Variants in GABBR2 observed in about 807,000 individuals in gnomAD.
GABBR2 encodes gamma-aminobutyric acid type B receptor subunit 2, also known as G-protein coupled receptor 51.
In GABBR2, 23 loss-of-function variants were observed where a neutral mutation model predicts 105.6. The observed-to-expected ratio is 0.22, with a 90% confidence interval of 0.16 to 0.31. The LOEUF is 0.31. Among genes scored for constraint, GABBR2 ranks in the 10% least tolerant of loss-of-function variants. The probability of loss-of-function intolerance (pLI) is 1.00; values close to 1 mark genes in which losing one functional copy is unlikely to be tolerated. For missense variants in GABBR2, 734 were observed against 1,245.5 expected (o/e 0.59, Z 6.18); for synonymous variants, 478 against 499.7 (o/e 0.96, Z 0.58).
At chr9:98,595,839 T>C (rs1286092079) in intron 1 of GABBR2, among the ~76,000 whole-genome samples, 1 of 152,032 alleles carries the variant, frequency 6.6e-6, no homozygotes, top group Non-Finnish European at 1.5e-5. Context: ...TACACAGCAA[T>C]GGAGATGAGC....
chr9:98,668,905 G>C (rs765248050), intron 1 of GABBR2, among the ~76,000 whole-genome samples: 8 of 151,446 alleles, frequency 5.3e-5, no homozygotes, highest in Non-Finnish European at 1.2e-4. Flanking sequence ...GTGTGTGTGT[G>C]TGTGTGTGTG....
rs1832060153 is a variant in GABBR2 at position 98,385,729 on chromosome 9, G to A, written c.1573C>T (p.Leu525Phe). The A allele has an allele frequency of 1.9e-6, 3 of 1,608,342 alleles. No homozygotes were observed. Among genetic ancestry groups the A allele is most frequent in the Non-Finnish European group, 1.7e-6 (2 of 1,174,768 alleles). Reference protein sequence around the residue: ...SSPYMNNLIILGGMLSYASIF... With the variant: ...SSPYMNNLIIFGGMLSYASIF... ...GAAGCATAGGAGAGCATCCCTCCAA[G>A]GATGATAAGGTTGTTCATGTATGGA... The change falls in exon 11 of 19, where the codon CTT becomes TTT. Residue 525 changes from leucine to phenylalanine, a missense_variant. Leu to Phe is a conservative substitution (Grantham distance 22). Around this residue, in one of 7 missense-constraint regions of GABBR2, gnomAD observed 370 missense variants for 648.9 expected, o/e 0.57. Transcript: ENST00000259455.
At chr9:98,429,976 G>C (rs543642230) in intron 7 of GABBR2, among the ~76,000 whole-genome samples, 1 of 152,226 alleles carries the variant, frequency 6.6e-6, no homozygotes, top group African/African-American at 2.4e-5. Context: ...ACCCTTCATT[G>C]GGTGTTAGCT....
At chr9:98,444,384 C>G (rs1031794727) in intron 7 of GABBR2, among the ~76,000 whole-genome samples, 3 of 151,972 alleles carry the variant, frequency 2.0e-5, no homozygotes, top group Non-Finnish European at 2.9e-5. Flanking sequence ...GGGGAGAGAC[C>G]TGACATAGGT....
Position 98,508,637 on chromosome 9 carries a change from G to A in GABBR2, c.631-12123C>T, listed in dbSNP as rs868387447. Among the ~76,000 whole-genome samples the A allele has an allele frequency of 2.0e-5, 3 of 152,312 alleles. 1 individual carries two copies. The highest frequency in any genetic ancestry group is 6.8e-3 in the Middle Eastern group (2 of 294). On this transcript the variant is annotated intron_variant, in intron 3 of 18. Coordinates refer to ENST00000259455, the MANE Select transcript of GABBR2 (RefSeq NM_005458.8). ...TTATATCCCGCGCATGGCTCGGAGG[G>A]TCCTACGCCCATGAAGTCTCGCTCA...
chr9:98,335,564 AT>A (rs1197579559), intron 13 of GABBR2, among the ~76,000 whole-genome samples: 1 of 152,044 alleles, frequency 6.6e-6, no homozygotes, highest in African/African-American at 2.4e-5. Context: ...TAAATCAGAT[AT>A]TTTGGGGGGT....
intron 13 of GABBR2, among the ~76,000 whole-genome samples, chr9:98,351,279 A>C (rs1427381100): frequency 1.3e-5 from 2 of 152,046 alleles, no homozygotes; most frequent in African/African-American, 4.8e-5. Context: ...TCATTTTGTT[A>C]ATTGTTTTCT....
rs573210190 is a variant in GABBR2 at position 98,582,826 on chromosome 9, C to T, written c.322-4754G>A. Among the ~76,000 whole-genome samples the T allele has an allele frequency of 9.9e-5, 15 of 152,120 alleles. No individual in the cohort carries two copies. The South Asian group carries it at 3.1e-3, about 32-fold the overall frequency. On this transcript the variant is annotated intron_variant, in intron 1 of 18. Coordinates refer to ENST00000259455, the MANE Select transcript of GABBR2 (RefSeq NM_005458.8). The stretch of plus-strand genomic sequence containing the variant: ...ACTATGTAAGTTTCTGTTCCACGGC[C>T]CTCCCCTTCTTGGTGTGTGAAATCC...
chr9:98,327,535 A>G lies in GABBR2; in HGVS notation c.1894-16330T>C, dbSNP rs1029678870. ...TAGCCAAAGAAGTTTTGGAAATGCA[A>G]ATTTAAACATTTTTAACAAATAAAA... On this transcript the variant is annotated intron_variant, in intron 13 of 18. Coordinates refer to ENST00000259455, the MANE Select transcript of GABBR2 (RefSeq NM_005458.8). Among the ~76,000 whole-genome samples, 12 of 152,264 alleles carry G rather than the reference A, an allele frequency of 7.9e-5. No homozygotes were observed. In the South Asian group the frequency reaches 2.3e-3, roughly 29 times the overall value.
At chr9:98,580,596 T>C (rs1189853857) in intron 1 of GABBR2, among the ~76,000 whole-genome samples, 2 of 152,146 alleles carry the variant, frequency 1.3e-5, no homozygotes, top group African/African-American at 4.8e-5. Flanking sequence ...GAGAACAGCC[T>C]GGACAACATG....
At chr9:98,294,621 C>T (rs912640134) in intron 17 of GABBR2, among the ~76,000 whole-genome samples, 2 of 151,980 alleles carry the variant, frequency 1.3e-5, no homozygotes, top group Admixed American at 6.6e-5. Flanking sequence ...GGACTACAGG[C>T]GCATGCCACC....
intron 1 of GABBR2, among the ~76,000 whole-genome samples, chr9:98,669,911 C>T (rs564889991): frequency 6.6e-6 from 1 of 151,458 alleles, no homozygotes; most frequent in East Asian, 2.0e-4. Context: ...AATGTTTGAG[C>T]TCGAATCTTA....
intron 14 of GABBR2, among the ~76,000 whole-genome samples, chr9:98,307,657 C>T (rs1830572254): frequency 6.6e-6 from 1 of 152,096 alleles, no homozygotes; most frequent in South Asian, 2.1e-4. Flanking sequence ...GTGACCTGGG[C>T]AAGTCACTTC....
At chr9:98,428,570 C>T (rs1188326146) in intron 7 of GABBR2, among the ~76,000 whole-genome samples, 1 of 152,098 alleles carries the variant, frequency 6.6e-6, no homozygotes, top group Non-Finnish European at 1.5e-5. Flanking sequence ...CCACTTGGCC[C>T]CATGCTCAGC....
chr9:98,708,365 C>A, intron 1 of GABBR2, 52 bp downstream of exon 1: 1 of 1,308,506 alleles, frequency 7.6e-7, no homozygotes, highest in Non-Finnish European at 9.8e-7. Context: ...GTCCAAACCA[C>A]CCACCCCAAT....
intron 13 of GABBR2, among the ~76,000 whole-genome samples, chr9:98,322,310 C>T (rs1203263007): frequency 6.6e-6 from 1 of 152,134 alleles, no homozygotes; most frequent in Non-Finnish European, 1.5e-5. Flanking sequence ...GTCTCTCCAG[C>T]CTTTCTCATT....
In GABBR2 at chr9:98,492,884, T is replaced by C. The variant is rs376138758; in HGVS notation, c.732+3529A>G. 3.3e-5 allele frequency among the ~76,000 whole-genome samples: 5 copies of C among 152,318 alleles called. No individual in the cohort carries two copies. In the East Asian group the frequency reaches 9.7e-4, roughly 29 times the overall value. On this transcript the variant is annotated intron_variant, in intron 4 of 18. Coordinates refer to ENST00000259455, the MANE Select transcript of GABBR2 (RefSeq NM_005458.8). ...CTTGATTGCCTCGCTAAGGGAACGTTTGTCAGGTTTCTCGACCGTCAAGTT... is the reference window on the plus strand; with the variant it reads ...CTTGATTGCCTCGCTAAGGGAACGTCTGTCAGGTTTCTCGACCGTCAAGTT...
chr9:98,680,740 A>C (rs1042762585), intron 1 of GABBR2, among the ~76,000 whole-genome samples: 27 of 152,320 alleles, frequency 1.8e-4, no homozygotes, highest in Non-Finnish European at 3.4e-4. Context: ...ATGAGATATT[A>C]AAGTATAATA....
chr9:98,323,683 C>T (rs1830866116), intron 13 of GABBR2, among the ~76,000 whole-genome samples: 1 of 152,226 alleles, frequency 6.6e-6, no homozygotes, highest in Non-Finnish European at 1.5e-5. Flanking sequence ...CCAGCCTAGA[C>T]CTTGAGGCAG....
Sources: gnomAD v4.1 joint callset for allele counts (sites outside exome capture counted in the v4.1 genomes callset) on GRCh38, gnomAD v4.1.1 for gene constraint, gnomAD v4.1.1 regional missense constraint, MANE v1.5 for transcripts, NCBI Gene and HGNC (gene_info 2026-07-23, HGNC 2026-07-21) for gene names.